The following PPP6R2 variants were observed in gnomAD, a reference collection of about 807,000 sequenced individuals.
The protein encoded by PPP6R2 is protein phosphatase 6 regulatory subunit 2, also known as serine/threonine-protein phosphatase 6 regulatory subunit 2.
In PPP6R2, 62 loss-of-function variants were observed where a neutral mutation model predicts 100.2. That is an observed-to-expected ratio of 0.62 (90% CI 0.50 to 0.76). The LOEUF (loss-of-function observed/expected upper bound fraction) is 0.76. PPP6R2 is among the 30% of genes least tolerant of loss of function. The pLI is 0.00. For synonymous variants in PPP6R2, 525 were observed against 514.7 expected, an observed-to-expected ratio of 1.02 and a Z score of -0.27; for missense variants, 1,142 against 1,276.3, an observed-to-expected ratio of 0.89 and a Z score of 1.60.
chr22:50,369,410 T>G (rs1377464787), intron 1 of PPP6R2, among the ~76,000 whole-genome samples: 1 of 152,184 alleles, frequency 6.6e-6, no homozygotes, highest in Non-Finnish European at 1.5e-5. Context: ...CCTGGGCTAC[T>G]GGCACCACTT....
chr22:50,369,255 A>G (rs1420502565), intron 1 of PPP6R2, among the ~76,000 whole-genome samples: 1 of 151,786 alleles, frequency 6.6e-6, no homozygotes, highest in Non-Finnish European at 1.5e-5. Flanking sequence ...AAAAAAGAAA[A>G]CACATTTCTT....
chr22:50,369,115 G>A (rs903147387), intron 1 of PPP6R2, among the ~76,000 whole-genome samples: 5 of 151,914 alleles, frequency 3.3e-5, no homozygotes, highest in Non-Finnish European at 7.4e-5. Flanking sequence ...GTGCGTGCCT[G>A]CAATCCCAGC....
At chr22:50,408,552 T>C (rs538076148) in intron 4 of PPP6R2, among the ~76,000 whole-genome samples, 48 of 151,488 alleles carry the variant, frequency 3.2e-4, no homozygotes, top group African/African-American at 1.1e-3. Flanking sequence ...AGAATGGGAG[T>C]GGGAGTGGAG....
chr22:50,406,663 C>G, intron 3 of PPP6R2, 26 bp from the exon 4 acceptor site: 1 of 1,597,756 alleles, frequency 6.3e-7, no homozygotes, highest in Non-Finnish European at 8.6e-7. Context: ...AATTTCACCT[C>G]CAGTGCTTGG....
chr22:50,358,105 C>A (rs1257916017), intron 1 of PPP6R2, among the ~76,000 whole-genome samples: 1 of 151,510 alleles, frequency 6.6e-6, no homozygotes, highest in Non-Finnish European at 1.5e-5. Flanking sequence ...AGCCACCACA[C>A]CTGGATAATT....
At chr22:50,398,121 C>T (rs1388981165) in intron 3 of PPP6R2, among the ~76,000 whole-genome samples, 2 of 151,882 alleles carry the variant, frequency 1.3e-5, no homozygotes, top group African/African-American at 2.4e-5. Context: ...TCACTTACGC[C>T]CAGGAGTTGA....
chr22:50,338,913 A>ATGTGGTGTGT (rs775741425), upstream of PPP6R2, among the ~76,000 whole-genome samples: 1 of 71,454 alleles, frequency 1.4e-5, no homozygotes, highest in Non-Finnish European at 2.9e-5. Context: ...TGTGTGTGGT[A>ATGTGGTGTGT]GTGTGTGTGG....
At position 50,437,013 on chromosome 22, in the gene PPP6R2, C is replaced by T; in HGVS notation, c.1628C>T (p.Ser543Leu). Residue 543 changes from serine (S) to leucine (L), a missense_variant, in exon 15 of 24, where the codon TCA becomes TTA. Coordinates refer to ENST00000612753, the MANE Select transcript of PPP6R2 (RefSeq NM_001242898.2). ...DLVSTHHLHS[S>L]SEDEDIEGAF... ...GTGAGCACTCACCACCTTCACTCCT[C>T]AAGTGAGGACGAGGACATTGAGGGT... 1 of 1,561,354 alleles carries T rather than the reference C, an allele frequency of 6.4e-7. No individual in the cohort carries two copies. The highest frequency in any genetic ancestry group is 8.7e-7 in the Non-Finnish European group (1 of 1,152,852).
At chr22:50,370,673 G>A (rs1465606798) in intron 1 of PPP6R2, among the ~76,000 whole-genome samples, 1 of 146,954 alleles carries the variant, frequency 6.8e-6, no homozygotes, top group Non-Finnish European at 1.5e-5. Context: ...TCACTCTGTT[G>A]CCCAGGCTGG....
intron 1 of PPP6R2, among the ~76,000 whole-genome samples, chr22:50,368,960 C>T (rs963314832): frequency 2.0e-5 from 3 of 152,164 alleles, no homozygotes; most frequent in African/African-American, 4.8e-5. Flanking sequence ...ATTTCTTGGC[C>T]GGGTGCAGTG....
At chr22:50,390,253 A>G (rs2055191773) in intron 2 of PPP6R2, among the ~76,000 whole-genome samples, 1 of 152,072 alleles carries the variant, frequency 6.6e-6, no homozygotes, top group Non-Finnish European at 1.5e-5. Flanking sequence ...CATCCTCCCA[A>G]AGTGCTGAGA....
intron 1 of PPP6R2, among the ~76,000 whole-genome samples, chr22:50,366,941 G>A (rs1353503611): frequency 6.6e-6 from 1 of 151,714 alleles, no homozygotes; most frequent in Non-Finnish European, 1.5e-5. Context: ...ACTGCCTGGC[G>A]TCCAGTGTCT....
Position 50,425,473 on chromosome 22 carries a change from G to T in PPP6R2, c.1125+1859G>T, listed in dbSNP as rs182232274. 6.0e-4 allele frequency among the ~76,000 whole-genome samples: 92 copies of T among 152,296 alleles called. 2 individuals carry two copies. In the South Asian group the frequency reaches 0.012, roughly 20 times the overall value. On this transcript the variant is annotated intron_variant, in intron 10 of 23. Coordinates refer to ENST00000612753, the MANE Select transcript of PPP6R2 (RefSeq NM_001242898.2). ...TGTATATGTGGGTGTACAAATACCT[G>T]TTTGAGTCCTTACTTTCAGTTCTTC... is the stretch of plus-strand genomic sequence containing the variant.
chr22:50,331,288 G>T, the PPP6R2 span, among the ~76,000 whole-genome samples: 2 of 152,038 alleles, frequency 1.3e-5, no homozygotes, highest in Non-Finnish European at 2.9e-5. Flanking sequence ...TCTCGGTGTG[G>T]ACACACGTTT....
At chr22:50,437,638 C>T (rs759089653) in intron 16 of PPP6R2, 35 bp downstream of exon 16, 45 of 1,534,232 alleles carry the variant, frequency 2.9e-5, no homozygotes, top group East Asian at 4.5e-5. Flanking sequence ...GCACGAGGCG[C>T]GGCTCTCCCT....
At chr22:50,420,355 C>T (rs2061156169) in intron 8 of PPP6R2, among the ~76,000 whole-genome samples, 3 of 152,136 alleles carry the variant, frequency 2.0e-5, no homozygotes, top group Non-Finnish European at 4.4e-5. Flanking sequence ...TGGAGGTGCT[C>T]CTTTGCTGTG....
chr22:50,443,035 G>C (rs1012997126), intron 22 of PPP6R2: 1 of 151,918 alleles, frequency 6.6e-6, no homozygotes, highest in Non-Finnish European at 1.5e-5. Context: ...CGTGGTGGCA[G>C]GCGCCTGTAG....
At chr22:50,409,867 C>T (rs965253442) in intron 4 of PPP6R2, among the ~76,000 whole-genome samples, 1 of 152,026 alleles carries the variant, frequency 6.6e-6, no homozygotes, top group Non-Finnish European at 1.5e-5. Flanking sequence ...GCTGGGATTA[C>T]AGGCGCCTGC....
chr22:50,418,105 C>G (rs898546490), intron 6 of PPP6R2, among the ~76,000 whole-genome samples: 1 of 152,176 alleles, frequency 6.6e-6, no homozygotes, highest in Non-Finnish European at 1.5e-5. Context: ...ATAGCAGCTA[C>G]TTATTACCAC....
Sources: allele counts gnomAD v4.1 joint callset (sites outside exome capture counted in the v4.1 genomes callset), GRCh38; gene constraint gnomAD v4.1.1; transcripts MANE v1.5; gene names NCBI Gene and HGNC (gene_info 2026-07-23, HGNC 2026-07-21).